Variants in CCDC178 observed in about 807,000 individuals in gnomAD.
CCDC178 encodes coiled-coil domain-containing protein 178.
A neutral mutation model predicts 117.4 loss-of-function variants in CCDC178; 126 were observed. The observed-to-expected ratio is 1.07, with a 90% CI of 0.93 to 1.24. The LOEUF (loss-of-function observed/expected upper bound fraction) is 1.24, where lower values mean the gene tolerates loss of function less well. CCDC178 is among the 50% of genes most tolerant of loss of function. CCDC178 has a pLI of 0.00. For missense variants in CCDC178, 1,030 were observed against 986.9 expected, an observed-to-expected ratio of 1.04 and a Z score of -0.59; for synonymous variants, 283 against 313.4, an observed-to-expected ratio of 0.90 and a Z score of 1.02.
At chr18:33,033,544 C>T (rs532931050) in intron 21 of CCDC178, among the ~76,000 whole-genome samples, 3 of 152,106 alleles carry the variant, frequency 2.0e-5, no homozygotes, top group African/African-American at 7.2e-5. Context: ...TCTACCCTAT[C>T]CCCTTTTTAA....
chr18:32,990,430 G>A (rs895700190), intron 21 of CCDC178, among the ~76,000 whole-genome samples: 2 of 152,000 alleles, frequency 1.3e-5, no homozygotes, highest in Non-Finnish European at 2.9e-5. Context: ...GAACAAAGTA[G>A]AGAGCCCAGA....
At chr18:32,994,422 A>G (rs1438137807) in intron 21 of CCDC178, among the ~76,000 whole-genome samples, 1 of 152,184 alleles carries the variant, frequency 6.6e-6, no homozygotes, top group Non-Finnish European at 1.5e-5. Context: ...CATCACCTGT[A>G]AAATAATTTT....
intron 12 of CCDC178, among the ~76,000 whole-genome samples, chr18:33,277,357 C>T (rs541137305): frequency 6.7e-4 from 102 of 152,136 alleles, no homozygotes; most frequent in Middle Eastern, 3.4e-3. Context: ...CAATAATTTA[C>T]GAATACACTT....
At chr18:33,207,684 T>A (rs1039913763) in intron 20 of CCDC178, among the ~76,000 whole-genome samples, 8 of 151,774 alleles carry the variant, frequency 5.3e-5, no homozygotes, top group Non-Finnish European at 1.0e-4. Context: ...AAATAAAAGC[T>A]AAAAATGGTA....
At chr18:32,999,554 C>G (rs534916052) in intron 21 of CCDC178, among the ~76,000 whole-genome samples, 12 of 152,250 alleles carry the variant, frequency 7.9e-5, no homozygotes, top group Admixed American at 6.5e-4. Flanking sequence ...GTGCTGGCTT[C>G]AGGTCTGACC....
Position 33,063,368 on chromosome 18 carries a change from C to T in CCDC178, c.2388+29393G>A, listed in dbSNP as rs192618747. 3.3e-5 allele frequency among the ~76,000 whole-genome samples: 5 copies of T among 152,284 alleles called. No homozygotes were observed. The East Asian group carries it at 9.7e-4, about 29-fold the overall frequency. On this transcript the variant is annotated intron_variant, in intron 21 of 22. Transcript: ENST00000383096. ...TTCCAGGGGACTGAGGACAAGCTCT[C>T]CCAGACTGCTGCCACTGCCCATAAA...
intron 21 of CCDC178, among the ~76,000 whole-genome samples, chr18:32,980,305 C>G (rs1298365642): frequency 6.6e-6 from 1 of 151,992 alleles, no homozygotes; most frequent in Non-Finnish European, 1.5e-5. Flanking sequence ...AAAGCCCGGC[C>G]GGGCGCGGTG....
intron 7 of CCDC178, among the ~76,000 whole-genome samples, chr18:33,353,565 A>C (rs1426995660): frequency 2.6e-5 from 4 of 151,980 alleles, no homozygotes; most frequent in African/African-American, 9.7e-5. Flanking sequence ...CTAAAATAGA[A>C]TCTTAGTGTT....
At chr18:33,262,914 A>G (rs1169307681) in intron 14 of CCDC178, among the ~76,000 whole-genome samples, 4 of 152,180 alleles carry the variant, frequency 2.6e-5, no homozygotes, top group Non-Finnish European at 4.4e-5. Flanking sequence ...GAACCTGAAT[A>G]TAGAAAGTCA....
chr18:33,057,635 G>T (rs117690945), intron 21 of CCDC178, among the ~76,000 whole-genome samples: 14,009 of 152,050 alleles, frequency 0.092, 900 homozygotes, highest in African/African-American at 0.18. Context: ...GGGATTACAG[G>T]TGTCCACCAC....
At chr18:33,097,500 G>A (rs920856501) in intron 20 of CCDC178, among the ~76,000 whole-genome samples, 4 of 152,096 alleles carry the variant, frequency 2.6e-5, no homozygotes, top group Admixed American at 2.6e-4. Flanking sequence ...TGGAGTATTT[G>A]TTATACAACC....
chr18:33,085,468 C>G (rs568814311), intron 21 of CCDC178, among the ~76,000 whole-genome samples: 9 of 152,144 alleles, frequency 5.9e-5, no homozygotes, highest in Admixed American at 3.9e-4. Flanking sequence ...GAGGCTGAGG[C>G]AGGAAAATGG....
intron 21 of CCDC178, among the ~76,000 whole-genome samples, chr18:32,989,253 C>T (rs761715934): frequency 2.2e-4 from 34 of 152,010 alleles, no homozygotes; most frequent in Non-Finnish European, 5.0e-4. Flanking sequence ...ATGTATAAAA[C>T]CATAATTAAT....
intron 15 of CCDC178, among the ~76,000 whole-genome samples, chr18:33,241,468 G>A (rs913056481): frequency 2.2e-4 from 28 of 128,494 alleles, no homozygotes; most frequent in Non-Finnish European, 4.1e-4. Context: ...GTGTGTGTGT[G>A]TAGAGAGAGA....
intron 12 of CCDC178, among the ~76,000 whole-genome samples, chr18:33,275,211 G>A (rs1221858932): frequency 1.3e-5 from 2 of 151,712 alleles, no homozygotes; most frequent in African/African-American, 4.8e-5. Context: ...CAACCATTCT[G>A]GGAAAAATGA....
At chr18:33,113,592 T>C (rs2057812925) in intron 20 of CCDC178, among the ~76,000 whole-genome samples, 1 of 151,996 alleles carries the variant, frequency 6.6e-6, no homozygotes, top group African/African-American at 2.4e-5. Flanking sequence ...TTACTCTGTT[T>C]AGGATAAAAT....
chr18:33,370,005 C>T (rs1463087750), intron 6 of CCDC178, 45 bp downstream of exon 6: 7 of 1,487,748 alleles, frequency 4.7e-6, no homozygotes, highest in East Asian at 5.0e-5. Context: ...CTTAGAGGGT[C>T]GATAAAGCTT....
chr18:33,148,032 C>G (rs1308485651), intron 20 of CCDC178, among the ~76,000 whole-genome samples: 1 of 152,192 alleles, frequency 6.6e-6, no homozygotes, highest in African/African-American at 2.4e-5. Flanking sequence ...GCTGGCCGGG[C>G]AGAGGCTGCA....
intron 20 of CCDC178, among the ~76,000 whole-genome samples, chr18:33,192,587 A>C (rs2058872745): frequency 6.6e-6 from 1 of 152,228 alleles, no homozygotes; most frequent in African/African-American, 2.4e-5. Flanking sequence ...AGAAAATTGT[A>C]ATAAACAGTG....
Sources: allele counts gnomAD v4.1 joint callset (sites outside exome capture counted in the v4.1 genomes callset), GRCh38; gene constraint gnomAD v4.1.1; transcripts MANE v1.5; gene names NCBI Gene and HGNC (gene_info 2026-07-23, HGNC 2026-07-21).